The following TMED10 variants were observed in gnomAD, a reference collection of about 807,000 sequenced individuals.
TMED10 encodes the protein transmembrane p24 trafficking protein 10.
TMED10 carries 7 observed loss-of-function variants against 23.1 expected under a neutral mutation model. The observed-to-expected ratio is 0.30, with a 90% CI of 0.17 to 0.57. TMED10 has a LOEUF of 0.57. Among genes scored for constraint, TMED10 ranks in the 20% least tolerant of loss-of-function variants. The pLI is 0.91. For synonymous variants in TMED10, 113 were observed against 106.9 expected (o/e 1.06, Z -0.35); for missense variants, 162 against 274.8 (o/e 0.59, Z 2.90).
rs747539748 is a variant in TMED10 at position 75,176,424 on chromosome 14, C to T, written c.156G>A (p.Leu52=). ...KCLREEIHKD[L]LVTGAYEISD... ...AGATCTCGTACGCGCCAGTCACTAG[C>T]AGGTCCTTGTGAATCTCCTCACGGA... Residue 52 remains leucine (L), a synonymous_variant, in exon 1 of 5, where the codon CTG becomes CTA. Transcript: ENST00000303575. 1.2e-6 allele frequency: 2 copies of T among 1,614,258 alleles called. No homozygotes were observed. The highest frequency in any genetic ancestry group is 1.7e-6 in the Non-Finnish European group (2 of 1,180,044).
Position 75,171,264 on chromosome 14 carries a change from C to G in TMED10, c.225+5091G>C, listed in dbSNP as rs367960810. Among the ~76,000 whole-genome samples, 77 of 151,472 alleles carry G rather than the reference C, an allele frequency of 5.1e-4. 1 individual carries two copies. In the South Asian group the frequency reaches 0.014, roughly 27 times the overall value. On this transcript the variant is annotated intron_variant, in intron 1 of 4. Coordinates refer to ENST00000303575, the MANE Select transcript of TMED10 (RefSeq NM_006827.6). ...AAGGAAAGGGAGAGAGTTAAAGATA[C>G]TATGCTACTGGCTTTAATTTTTTTT...
At chr14:75,139,124 T>C (rs1895791404) in intron 3 of TMED10, 1 of 453,338 alleles carries the variant, frequency 2.2e-6, no homozygotes, top group Admixed American at 2.4e-5. Flanking sequence ...AAGATGCTTA[T>C]AAACTTGATG....
At chr14:75,149,951 A>C (rs1895936343) in intron 2 of TMED10, among the ~76,000 whole-genome samples, 1 of 152,110 alleles carries the variant, frequency 6.6e-6, no homozygotes. Context: ...AAAAATACAC[A>C]AATTAGCCAG....
At chr14:75,150,548 T>G (rs894348220) in intron 2 of TMED10, among the ~76,000 whole-genome samples, 2 of 152,182 alleles carry the variant, frequency 1.3e-5, no homozygotes, top group African/African-American at 4.8e-5. Flanking sequence ...AATACTGTAT[T>G]TTTACTATAT....
intron 3 of TMED10, among the ~76,000 whole-genome samples, chr14:75,138,295 G>A (rs1895777789): frequency 6.6e-6 from 1 of 152,182 alleles, no homozygotes. Flanking sequence ...AAAATATGGT[G>A]ATAGACTTGC....
chr14:75,167,353 T>C (rs1441874680), intron 1 of TMED10, among the ~76,000 whole-genome samples: 1 of 152,110 alleles, frequency 6.6e-6, no homozygotes, highest in East Asian at 1.9e-4. Flanking sequence ...AACTATAGCA[T>C]ATATACCATC....
At chr14:75,163,545 T>C (rs1594873020) in intron 1 of TMED10, among the ~76,000 whole-genome samples, 2 of 92,364 alleles carry the variant, frequency 2.2e-5, no homozygotes. Context: ...AGAGTGAGAC[T>C]CCGTATCAAA....
At chr14:75,170,045 G>A (rs998744719) in intron 1 of TMED10, among the ~76,000 whole-genome samples, 3 of 151,650 alleles carry the variant, frequency 2.0e-5, no homozygotes, top group African/African-American at 7.3e-5. Context: ...GGCTAACACG[G>A]TGAAATACAA....
intron 1 of TMED10, among the ~76,000 whole-genome samples, chr14:75,163,552 CAAAAAAAAAAAAA>C (rs758185921): frequency 4.1e-4 from 25 of 60,790 alleles, no homozygotes; most frequent in Admixed American, 9.3e-4. Flanking sequence ...GACTCCGTAT[CAAAAAAAAAAAAA>C]AAAAAAAAAA....
At chr14:75,144,778 C>A (rs1251290138) in intron 3 of TMED10, among the ~76,000 whole-genome samples, 7 of 152,334 alleles carry the variant, frequency 4.6e-5, no homozygotes, top group Admixed American at 4.6e-4. Context: ...TTGCTTCAGC[C>A]TCCCGAGTAG....
At chr14:75,154,895 C>A (rs1404737198) in intron 1 of TMED10, among the ~76,000 whole-genome samples, 2 of 151,184 alleles carry the variant, frequency 1.3e-5, no homozygotes, top group African/African-American at 4.9e-5. Flanking sequence ...GATCTCCTGA[C>A]CTCGTGATCC....
intron 4 of TMED10, 107 bp from the exon 5 acceptor site, chr14:75,135,113 CCTAGGTCT>C (rs1252661413): frequency 7.1e-7 from 1 of 1,399,338 alleles, no homozygotes; most frequent in Non-Finnish European, 9.8e-7. Context: ...TCACTCTGTC[CCTAGGTCT>C]AACAGTAGGA....
chr14:75,149,902 G>A lies in TMED10; in HGVS notation c.337+2130C>T, dbSNP rs560948980. ...GGTGGATCTCTTGAGGTTCGAGTTC[G>A]AGACCAGCTTGGCCAACATGATGAA... On this transcript the variant is annotated intron_variant, in intron 2 of 4. Transcript: ENST00000303575. Among the ~76,000 whole-genome samples, 10 of 152,230 alleles carry A rather than the reference G, an allele frequency of 6.6e-5. No homozygotes were observed. The South Asian group carries it at 1.5e-3, about 22-fold the overall frequency.
chr14:75,157,940 CA>C lies in TMED10; in HGVS notation c.226-5798del, dbSNP rs111601744. On this transcript the variant is annotated intron_variant, in intron 1 of 4. Coordinates refer to ENST00000303575, the MANE Select transcript of TMED10 (RefSeq NM_006827.6). The stretch of plus-strand genomic sequence containing the variant: ...GAGTGACAAGAGCAAAACTCCATCT[CA>C]AAAAAAAAAAGAAGTAAAAATAAAT... Among the ~76,000 whole-genome samples, 360 of 137,962 alleles carry C rather than the reference CA, an allele frequency of 2.6e-3. 3 individuals carry two copies. The highest frequency in any genetic ancestry group is 0.015 in the Middle Eastern group (4 of 272). 90.5% of individuals were successfully genotyped at this position (137,962 alleles called of 152,430 possible). A position where few individuals can be genotyped will look rare whatever the true frequency, so the allele number is the denominator to read the frequency against.
chr14:75,150,133 A>G (rs1895938490), intron 2 of TMED10, among the ~76,000 whole-genome samples: 1 of 152,150 alleles, frequency 6.6e-6, no homozygotes, highest in African/African-American at 2.4e-5. Flanking sequence ...TTTTGGATAG[A>G]CTGGAAAGAT....
intron 1 of TMED10, among the ~76,000 whole-genome samples, chr14:75,156,706 G>C (rs1896022892): frequency 6.6e-6 from 1 of 152,074 alleles, no homozygotes; most frequent in South Asian, 2.1e-4. Flanking sequence ...AGCACTTTGG[G>C]AGGCCGAGGT....
chr14:75,138,020 G>T (rs1456316706), intron 3 of TMED10, among the ~76,000 whole-genome samples: 1 of 152,032 alleles, frequency 6.6e-6, no homozygotes, highest in Non-Finnish European at 1.5e-5. Context: ...TAATAATTCT[G>T]TTTATATATC....
intron 1 of TMED10, among the ~76,000 whole-genome samples, chr14:75,166,074 C>T (rs959757010): frequency 1.3e-5 from 2 of 152,076 alleles, no homozygotes; most frequent in South Asian, 2.1e-4. Context: ...AATACTACTG[C>T]GGGGGTGAAG....
chr14:75,135,158 C>T, intron 4 of TMED10, 152 bp from the exon 5 acceptor site: 5 of 1,044,248 alleles, frequency 4.8e-6, no homozygotes, highest in Non-Finnish European at 5.4e-6. Flanking sequence ...TTTTTAAGTT[C>T]ATTATCCTGG....
Sources: gnomAD v4.1 joint callset for allele counts (sites outside exome capture counted in the v4.1 genomes callset) on GRCh38, gnomAD v4.1.1 for gene constraint, MANE v1.5 for transcripts, NCBI Gene and HGNC (gene_info 2026-07-23, HGNC 2026-07-21) for gene names.